The following RBFOX1 variants were observed in gnomAD, a reference collection of about 807,000 sequenced individuals.
RBFOX1 encodes RNA binding protein fox-1 homolog 1.
Under a neutral mutation model 57.7 loss-of-function variants are expected in RBFOX1, and 8 were observed. That is an observed-to-expected ratio of 0.14 (90% CI 0.08 to 0.25). The LOEUF (loss-of-function observed/expected upper bound fraction) is 0.25, where lower values mean the gene tolerates loss of function less well. Among genes scored for constraint, RBFOX1 ranks in the 10% least tolerant of loss-of-function variants. The pLI is 1.00. For missense variants in RBFOX1, 611 were observed against 548.5 expected, an observed-to-expected ratio of 1.11 and a Z score of -1.14; for synonymous variants, 326 against 222.4, an observed-to-expected ratio of 1.47 and a Z score of -4.15.
chr16:6,166,400 G>C (rs1260069346), intron 1 of RBFOX1, among the ~76,000 whole-genome samples: 1 of 152,028 alleles, frequency 6.6e-6, no homozygotes, highest in African/African-American at 2.4e-5. Context: ...GTATTCCTTG[G>C]GGCGGGGTTG....
At chr16:5,545,659 TA>T (rs569218529) in intron 2 of RBFOX1, among the ~76,000 whole-genome samples, 59 of 151,192 alleles carry the variant, frequency 3.9e-4, no homozygotes, top group Middle Eastern at 3.4e-3. Context: ...TATTCTCAAT[TA>T]AAAAAAAACC....
At chr16:7,120,601 G>A (rs1427509564) in intron 4 of RBFOX1, among the ~76,000 whole-genome samples, 1 of 151,106 alleles carries the variant, frequency 6.6e-6, no homozygotes, top group Non-Finnish European at 1.5e-5. Flanking sequence ...TAAGCTAAAT[G>A]GTTCAATAGA....
At chr16:7,497,137 C>T (rs1567512197) in intron 4 of RBFOX1, among the ~76,000 whole-genome samples, 1 of 152,178 alleles carries the variant, frequency 6.6e-6, no homozygotes, top group African/African-American at 2.4e-5. Flanking sequence ...TGGAACTCTT[C>T]AATGGCCTCC....
At position 5,930,357 on chromosome 16, in the gene RBFOX1, G is replaced by C. The variant is rs560827659; in HGVS notation, c.351+63022G>C. 1.9e-3 allele frequency among the ~76,000 whole-genome samples: 266 copies of C among 141,278 alleles called. 2 individuals are homozygous for C. The highest frequency in any genetic ancestry group is 3.0e-3 in the Non-Finnish European group (193 of 65,226). 92.7% of individuals were successfully genotyped at this position (141,278 alleles called of 152,430 possible). On this transcript the variant is annotated intron_variant, in intron 4 of 19. Coordinates refer to the RBFOX1 transcript ENST00000641259. ...AGGTGGGAAGGTTGGTAGCTGGATG[G>C]ATGGGAGGGTGGATGGATGGATGCA... is the stretch of plus-strand genomic sequence containing the variant.
intron 4 of RBFOX1, among the ~76,000 whole-genome samples, chr16:7,091,712 C>G (rs2060888905): frequency 6.6e-6 from 1 of 152,160 alleles, no homozygotes; most frequent in Non-Finnish European, 1.5e-5. Context: ...TCACCCCATC[C>G]TCAGTACTGG....
chr16:6,525,175 A>G (rs1437044850), intron 2 of RBFOX1, among the ~76,000 whole-genome samples: 1 of 152,208 alleles, frequency 6.6e-6, no homozygotes, highest in Non-Finnish European at 1.5e-5. Context: ...GAACTATAGT[A>G]AGTGTTAGAA....
chr16:6,084,640 G>C (rs1177990546), intron 1 of RBFOX1, among the ~76,000 whole-genome samples: 1 of 152,162 alleles, frequency 6.6e-6, no homozygotes. Context: ...CAGTGACATG[G>C]TGAAAAAGTA....
intron 2 of RBFOX1, among the ~76,000 whole-genome samples, chr16:6,590,658 A>T: frequency 6.6e-6 from 1 of 152,346 alleles, no homozygotes; most frequent in Middle Eastern, 3.4e-3. Context: ...TCATCCCTGC[A>T]TTCAGAGGAT....
chr16:7,310,026 C>T (rs548616964), intron 4 of RBFOX1, among the ~76,000 whole-genome samples: 15 of 152,352 alleles, frequency 9.8e-5, no homozygotes, highest in South Asian at 6.2e-4. Flanking sequence ...AGCGTTGGCC[C>T]GTGGCTGTTG....
chr16:5,696,999 G>T (rs2050865527), intron 3 of RBFOX1, among the ~76,000 whole-genome samples: 1 of 152,054 alleles, frequency 6.6e-6, no homozygotes, highest in African/African-American at 2.4e-5. Flanking sequence ...TGCGTCCTCT[G>T]CCTCCTGGAT....
At chr16:7,454,014 C>T (rs553194080) in intron 4 of RBFOX1, among the ~76,000 whole-genome samples, 2 of 152,284 alleles carry the variant, frequency 1.3e-5, no homozygotes, top group South Asian at 2.1e-4. Flanking sequence ...GGGTGGATTG[C>T]CTGAGGTCAG....
chr16:6,993,075 A>G (rs1319859573), intron 3 of RBFOX1, among the ~76,000 whole-genome samples: 3 of 152,052 alleles, frequency 2.0e-5, no homozygotes, highest in South Asian at 4.1e-4. Context: ...GTCATTCCCT[A>G]ATTTCTTTTG....
chr16:7,565,950 A>C (rs531781359), intron 5 of RBFOX1, among the ~76,000 whole-genome samples: 1 of 152,096 alleles, frequency 6.6e-6, no homozygotes, highest in South Asian at 2.1e-4. Flanking sequence ...TCGTGGATGA[A>C]GCAGCAGCTG....
At chr16:6,840,226 T>A (rs12931574) in intron 3 of RBFOX1, among the ~76,000 whole-genome samples, 21,582 of 152,142 alleles carry the variant, frequency 0.14, 1,624 homozygotes, top group Non-Finnish European at 0.16. Flanking sequence ...GAGGTCTTTC[T>A]TTCTTTAAAG....
At chr16:7,086,093 C>T (rs905469028) in intron 4 of RBFOX1, among the ~76,000 whole-genome samples, 5 of 152,158 alleles carry the variant, frequency 3.3e-5, no homozygotes, top group African/African-American at 9.7e-5. Flanking sequence ...GGTGGTGATT[C>T]TCTCCATCAT....
chr16:7,628,992 G>T (rs1190879190), intron 10 of RBFOX1, among the ~76,000 whole-genome samples: 1 of 152,170 alleles, frequency 6.6e-6, no homozygotes, highest in Non-Finnish European at 1.5e-5. Flanking sequence ...CCAGACTCTT[G>T]ATATATTTAC....
intron 3 of RBFOX1, among the ~76,000 whole-genome samples, chr16:6,875,930 G>A (rs746983976): frequency 2.0e-5 from 3 of 152,126 alleles, no homozygotes; most frequent in Non-Finnish European, 2.9e-5. Context: ...CCGGGGAGGT[G>A]GAGGTTGCAG....
intron 2 of RBFOX1, among the ~76,000 whole-genome samples, chr16:6,479,988 T>G (rs2095346764): frequency 6.7e-6 from 1 of 149,160 alleles, no homozygotes; most frequent in Non-Finnish European, 1.5e-5. Context: ...GGGCAGAGGT[T>G]GCAGTGAGCT....
At chr16:7,284,907 T>A (rs1452653249) in intron 4 of RBFOX1, among the ~76,000 whole-genome samples, 1 of 152,074 alleles carries the variant, frequency 6.6e-6, no homozygotes, top group Non-Finnish European at 1.5e-5. Flanking sequence ...GCACACTCTT[T>A]CTTACATCCT....
Sources: allele counts gnomAD v4.1 joint callset (sites outside exome capture counted in the v4.1 genomes callset), GRCh38; gene constraint gnomAD v4.1.1; transcripts MANE v1.5; gene names NCBI Gene and HGNC (gene_info 2026-07-23, HGNC 2026-07-21).